The following INPP4B variants were observed in gnomAD, a reference collection of about 807,000 sequenced individuals.
INPP4B encodes inositol polyphosphate-4-phosphatase type II B.
Under a neutral mutation model 122.5 loss-of-function variants are expected in INPP4B, and 55 were observed. The observed-to-expected ratio is 0.45, with a 90% CI of 0.36 to 0.56. The LOEUF is 0.56. INPP4B is among the 20% of genes least tolerant of loss of function. The pLI is 0.00. For missense variants in INPP4B, 1,000 were observed against 1,097.7 expected (o/e 0.91, Z 1.26); for synonymous variants, 403 against 388.7 (o/e 1.04, Z -0.43).
chr4:142,603,466 A>G (rs1740525007), intron 2 of INPP4B, among the ~76,000 whole-genome samples: 1 of 152,142 alleles, frequency 6.6e-6, no homozygotes, highest in African/African-American at 2.4e-5. Flanking sequence ...CAAAATTTAT[A>G]AAATGCTAAC....
chr4:142,060,499 C>T (rs986416896), intron 25 of INPP4B, among the ~76,000 whole-genome samples: 4 of 152,078 alleles, frequency 2.6e-5, no homozygotes, highest in African/African-American at 4.8e-5. Flanking sequence ...TTTTATGGAT[C>T]CAGGAATAAA....
At chr4:142,732,160 A>G (rs998125676) in intron 1 of INPP4B, among the ~76,000 whole-genome samples, 1 of 152,170 alleles carries the variant, frequency 6.6e-6, no homozygotes, top group African/African-American at 2.4e-5. Context: ...TTATAGATAT[A>G]AAAACTAAAG....
chr4:142,319,679 A>G (rs1290450863), intron 7 of INPP4B, among the ~76,000 whole-genome samples: 1 of 152,138 alleles, frequency 6.6e-6, no homozygotes, highest in African/African-American at 2.4e-5. Flanking sequence ...CCACTGTCTC[A>G]TTCTTCTTCC....
chr4:142,231,226 T>A (rs1041303708), intron 12 of INPP4B, among the ~76,000 whole-genome samples: 8 of 152,214 alleles, frequency 5.3e-5, no homozygotes, highest in African/African-American at 1.9e-4. Context: ...TATGTGCAAG[T>A]GATGCAAAAG....
intron 2 of INPP4B, among the ~76,000 whole-genome samples, chr4:142,661,640 A>C (rs1755189878): frequency 6.6e-6 from 1 of 152,244 alleles, no homozygotes; most frequent in Non-Finnish European, 1.5e-5. Flanking sequence ...TTAAAAATAC[A>C]ACGGGATCTT....
intron 1 of INPP4B, among the ~76,000 whole-genome samples, chr4:142,804,076 A>AATAAATAT (rs1778367928): frequency 6.6e-6 from 1 of 151,238 alleles, no homozygotes; most frequent in Admixed American, 6.6e-5. Flanking sequence ...TAAATAAATA[A>AATAAATAT]ATAAATAAAT....
chr4:142,811,806 G>A (rs559784044), intron 1 of INPP4B, among the ~76,000 whole-genome samples: 2 of 152,190 alleles, frequency 1.3e-5, no homozygotes, highest in African/African-American at 4.8e-5. Context: ...CCCACTCCAT[G>A]AGGATTAGGA....
In INPP4B at chr4:142,476,357, A is replaced by T. The variant is rs572507802; in HGVS notation, c.-190-13631T>A. On this transcript the variant is annotated intron_variant, in intron 2 of 25. Coordinates refer to ENST00000262992, the MANE Select transcript of INPP4B (RefSeq NM_001101669.3). ...AGAGAGTGCTAAATCTTGACAGGAA[A>T]GATTGTTACCAGCCACCACAAAAAC... Among the ~76,000 whole-genome samples the T allele has an allele frequency of 9.8e-5, 15 of 152,322 alleles. No individual in the cohort carries two copies. The East Asian group carries it at 2.3e-3, about 23-fold the overall frequency.
chr4:142,122,879 G>GT (rs1051712047), intron 20 of INPP4B, among the ~76,000 whole-genome samples: 1 of 151,838 alleles, frequency 6.6e-6, no homozygotes, highest in African/African-American at 2.4e-5. Flanking sequence ...TTTAAAACTA[G>GT]TTTTTGAAAT....
In INPP4B at chr4:142,253,612, G is replaced by A. The variant is rs570351072; in HGVS notation, c.688+6880C>T. On this transcript the variant is annotated intron_variant, in intron 11 of 25. Coordinates refer to ENST00000262992, the MANE Select transcript of INPP4B (RefSeq NM_001101669.3). ...GGTGACAGACGGCACCTGGAAAATC[G>A]GGTCAATCCCACCCGAATACTGTGC... 1.9e-3 allele frequency among the ~76,000 whole-genome samples: 291 copies of A among 152,284 alleles called. 1 individual carries two copies. Among genetic ancestry groups the A allele is most frequent in the Non-Finnish European group, 2.8e-3 (192 of 68,038 alleles).
At chr4:142,079,073 C>T (rs544169865) in intron 25 of INPP4B, among the ~76,000 whole-genome samples, 22 of 152,026 alleles carry the variant, frequency 1.4e-4, no homozygotes, top group Middle Eastern at 3.4e-3. Context: ...ATATGTATTG[C>T]GTTTTAGTAT....
intron 2 of INPP4B, among the ~76,000 whole-genome samples, chr4:142,720,905 T>C (rs1186261403): frequency 7.0e-6 from 1 of 142,660 alleles, no homozygotes; most frequent in Non-Finnish European, 1.5e-5. Flanking sequence ...TGTGTGTGTG[T>C]GTGTGTGTGT....
intron 1 of INPP4B, among the ~76,000 whole-genome samples, chr4:142,802,300 A>C (rs181056498): frequency 6.6e-6 from 1 of 152,346 alleles, no homozygotes. Context: ...ATTCATATCC[A>C]ATAAAGATGT....
chr4:142,084,232 T>C (rs1321807639), intron 24 of INPP4B, among the ~76,000 whole-genome samples: 1 of 152,164 alleles, frequency 6.6e-6, no homozygotes, highest in East Asian at 1.9e-4. Context: ...CAAGCGATTC[T>C]CCTGCTTCAG....
At chr4:142,750,848 G>A (rs985281790) in intron 1 of INPP4B, among the ~76,000 whole-genome samples, 8 of 152,036 alleles carry the variant, frequency 5.3e-5, no homozygotes, top group East Asian at 1.9e-4. Flanking sequence ...GAGGAGGGGA[G>A]GGTTATGACC....
At chr4:142,066,370 T>G (rs191109039) in intron 25 of INPP4B, among the ~76,000 whole-genome samples, 10 of 152,286 alleles carry the variant, frequency 6.6e-5, no homozygotes, top group African/African-American at 2.4e-4. Flanking sequence ...TGTAACAATA[T>G]CCTTACACTA....
intron 2 of INPP4B, among the ~76,000 whole-genome samples, chr4:142,627,156 T>C (rs1050636913): frequency 2.0e-5 from 3 of 152,122 alleles, no homozygotes; most frequent in African/African-American, 7.2e-5. Flanking sequence ...TGCACCACCT[T>C]AAGAATTGTT....
chr4:142,631,971 A>G (rs1231364393), intron 2 of INPP4B, among the ~76,000 whole-genome samples: 1 of 152,114 alleles, frequency 6.6e-6, no homozygotes, highest in Non-Finnish European at 1.5e-5. Flanking sequence ...TACTTCCCAG[A>G]CCCAAGGGTT....
At chr4:142,249,380 G>C in intron 11 of INPP4B, among the ~76,000 whole-genome samples, 1 of 151,946 alleles carries the variant, frequency 6.6e-6, no homozygotes. Flanking sequence ...CAAAAAAAGA[G>C]AGAATTAAGA....
Sources: allele counts gnomAD v4.1 joint callset (sites outside exome capture counted in the v4.1 genomes callset), GRCh38; gene constraint gnomAD v4.1.1; transcripts MANE v1.5; gene names NCBI Gene and HGNC (gene_info 2026-07-23, HGNC 2026-07-21).